STK3: variants seen among roughly 807,000 people sequenced by gnomAD.
The protein encoded by STK3 is serine/threonine kinase 3, also known as serine/threonine-protein kinase 3.
STK3 carries 41 observed loss-of-function variants against 58.0 expected under a neutral mutation model. That is an observed-to-expected ratio of 0.71 (90% CI 0.55 to 0.92). STK3 has a LOEUF of 0.92. STK3 is among the 40% of genes least tolerant of loss of function. The probability of loss-of-function intolerance (pLI) is 0.00; values close to 1 mark genes in which losing one functional copy is unlikely to be tolerated. For missense variants in STK3, 479 were observed against 602.7 expected, an observed-to-expected ratio of 0.79 and a Z score of 2.15; for synonymous variants, 170 against 191.0, an observed-to-expected ratio of 0.89 and a Z score of 0.91.
At chr8:98,480,006 A>T (rs1274008347) in intron 10 of STK3, among the ~76,000 whole-genome samples, 5 of 152,192 alleles carry the variant, frequency 3.3e-5, no homozygotes, top group Admixed American at 2.6e-4. Context: ...CAAAAAATTG[A>T]TTGGAAAAAG....
At chr8:98,764,869 G>A (rs1041803658) in intron 3 of STK3, among the ~76,000 whole-genome samples, 9 of 152,104 alleles carry the variant, frequency 5.9e-5, no homozygotes, top group African/African-American at 2.2e-4. Context: ...GGAACATGAA[G>A]GACCTTGTAT....
chr8:98,737,990 G>T (rs971881221), intron 4 of STK3, among the ~76,000 whole-genome samples: 1 of 152,138 alleles, frequency 6.6e-6, no homozygotes, highest in Admixed American at 6.5e-5. Flanking sequence ...GATTACAGGC[G>T]TGAGCCACCG....
chr8:98,505,080 T>C (rs1823947180), intron 10 of STK3, among the ~76,000 whole-genome samples: 1 of 152,208 alleles, frequency 6.6e-6, no homozygotes, highest in Non-Finnish European at 1.5e-5. Flanking sequence ...TTGGAGGTTT[T>C]GTTCATTTAT....
intron 2 of STK3, among the ~76,000 whole-genome samples, chr8:98,373,424 T>C (rs1314024644): frequency 6.6e-6 from 1 of 152,230 alleles, no homozygotes; most frequent in Non-Finnish European, 1.5e-5. Flanking sequence ...TTACTTATGG[T>C]CTGGCTTATT....
intron 10 of STK3, among the ~76,000 whole-genome samples, chr8:98,480,659 A>G (rs1821775149): frequency 6.6e-6 from 1 of 152,208 alleles, no homozygotes; most frequent in Non-Finnish European, 1.5e-5. Context: ...TCTCTCTATA[A>G]CAATCCTGAC....
intron 6 of STK3, among the ~76,000 whole-genome samples, chr8:98,645,293 A>T (rs1037891655): frequency 1.3e-5 from 2 of 152,234 alleles, no homozygotes; most frequent in African/African-American, 4.8e-5. Context: ...CCTACTCAGT[A>T]GAGTCCTTAA....
chr8:98,744,656 A>G (rs1316557368), intron 4 of STK3, among the ~76,000 whole-genome samples: 1 of 151,470 alleles, frequency 6.6e-6, no homozygotes, highest in Non-Finnish European at 1.5e-5. Context: ...TGGGTACAGC[A>G]CACCAGCATG....
At chr8:98,857,540 T>TA (rs1054150767) in intron 3 of STK3, among the ~76,000 whole-genome samples, 2 of 149,874 alleles carry the variant, frequency 1.3e-5, no homozygotes, top group Admixed American at 6.6e-5. Flanking sequence ...AAGAGCAGAA[T>TA]AAAAAAAAGA....
At chr8:98,925,984 T>A (rs1249143456) in intron 1 of STK3, among the ~76,000 whole-genome samples, 1 of 152,128 alleles carries the variant, frequency 6.6e-6, no homozygotes, top group African/African-American at 2.4e-5. Context: ...GGATTTGTCA[T>A]CTTGAGTATC....
At chr8:98,713,105 T>C (rs2131124710) in intron 4 of STK3, among the ~76,000 whole-genome samples, 1 of 152,198 alleles carries the variant, frequency 6.6e-6, no homozygotes, top group African/African-American at 2.4e-5. Context: ...AGACACAACA[T>C]ACCAGAATCT....
At chr8:98,690,604 TA>T (rs1319610578) in intron 6 of STK3, among the ~76,000 whole-genome samples, 1 of 152,168 alleles carries the variant, frequency 6.6e-6, no homozygotes, top group Non-Finnish European at 1.5e-5. Flanking sequence ...TCAATATTGT[TA>T]AAATGGTCAT....
intron 4 of STK3, among the ~76,000 whole-genome samples, chr8:98,727,920 A>C (rs1827894698): frequency 1.3e-5 from 2 of 152,218 alleles, no homozygotes; most frequent in South Asian, 4.1e-4. Context: ...CTTTACAGAA[A>C]AATCAATGGT....
At chr8:98,512,940 T>C (rs1360979764) in intron 10 of STK3, among the ~76,000 whole-genome samples, 1 of 152,136 alleles carries the variant, frequency 6.6e-6, no homozygotes, top group Non-Finnish European at 1.5e-5. Flanking sequence ...TTTGCTTAAG[T>C]TGGCAGTGCC....
intron 6 of STK3, among the ~76,000 whole-genome samples, chr8:98,614,212 A>G (rs1168979123): frequency 6.6e-6 from 1 of 152,182 alleles, no homozygotes; most frequent in Non-Finnish European, 1.5e-5. Flanking sequence ...CACCTCAACA[A>G]CAGCAGAGTA....
At position 98,800,785 on chromosome 8, in the gene STK3, G is replaced by A. The variant is rs1019771983; in HGVS notation, c.26+24730C>T. 5.9e-5 allele frequency among the ~76,000 whole-genome samples: 9 copies of A among 152,288 alleles called. No individual in the cohort carries two copies. The South Asian group carries it at 1.4e-3, about 25-fold the overall frequency. On this transcript the variant is annotated intron_variant, in intron 1 of 10. Transcript: ENST00000419617. This position sits in a 1 kb window ranked among gnomAD's most constrained non-coding sequence, Gnocchi z 4.8. Reference sequence around the variant, plus strand: ...ACCCCAGCACTGCCGGCCCTCCCGCGCTGAGCTCGAATTCTTGCCAGGCCT... The same window carrying A: ...ACCCCAGCACTGCCGGCCCTCCCGCACTGAGCTCGAATTCTTGCCAGGCCT...
intron 1 of STK3, among the ~76,000 whole-genome samples, chr8:98,927,049 C>T (rs1173587116): frequency 6.6e-6 from 1 of 152,148 alleles, no homozygotes; most frequent in East Asian, 1.9e-4. Flanking sequence ...GAGTTCTAGG[C>T]AGGATAACCA....
chr8:98,488,376 T>A (rs543961858), intron 10 of STK3, among the ~76,000 whole-genome samples: 17 of 152,326 alleles, frequency 1.1e-4, no homozygotes, highest in African/African-American at 3.1e-4. Context: ...TTTTATAACT[T>A]GTACGGTGCC....
chr8:98,730,836 A>G (rs996327619), intron 4 of STK3, among the ~76,000 whole-genome samples: 23 of 152,080 alleles, frequency 1.5e-4, no homozygotes, highest in Non-Finnish European at 2.8e-4. Flanking sequence ...TTCACGAAAG[A>G]GCTACAAAGT....
chr8:98,401,524 A>T (rs1389533126), intron 3 of STK3: 1 of 152,254 alleles, frequency 6.6e-6, no homozygotes, highest in Admixed American at 6.5e-5. Context: ...CTGGAAAAAC[A>T]GAATGGATTG....
Sources: gnomAD v4.1 joint callset for allele counts (sites outside exome capture counted in the v4.1 genomes callset) on GRCh38, gnomAD v4.1.1 for gene constraint, Gnocchi (gnomAD v3.1) non-coding constraint, MANE v1.5 for transcripts, NCBI Gene and HGNC (gene_info 2026-07-23, HGNC 2026-07-21) for gene names.